The following STIM1 variants were observed in gnomAD, a reference collection of about 807,000 sequenced individuals.
STIM1 encodes stromal interaction molecule 1.
In STIM1, 25 loss-of-function variants were observed where a neutral mutation model predicts 74.7. The ratio of observed to expected loss-of-function variants is 0.33; its 90% CI spans 0.24 to 0.47. The LOEUF (loss-of-function observed/expected upper bound fraction) is 0.47, where lower values mean the gene tolerates loss of function less well. STIM1 is among the 20% of genes least tolerant of loss of function. The pLI is 1.00. For missense variants in STIM1, 728 were observed against 920.8 expected, an observed-to-expected ratio of 0.79 and a Z score of 2.71; for synonymous variants, 328 against 348.8, an observed-to-expected ratio of 0.94 and a Z score of 0.66.
At chr11:3,894,547 C>G (rs1296930266) in intron 1 of STIM1, among the ~76,000 whole-genome samples, 1 of 152,106 alleles carries the variant, frequency 6.6e-6, no homozygotes, top group Non-Finnish European at 1.5e-5. Flanking sequence ...TTTCCTTACC[C>G]CTTATTCCAT....
intron 3 of STIM1, among the ~76,000 whole-genome samples, chr11:4,050,688 T>C (rs780220892): frequency 1.3e-5 from 2 of 152,224 alleles, no homozygotes; most frequent in Non-Finnish European, 2.9e-5. Flanking sequence ...GGGTGCTGAC[T>C]GTCCCTTTTC....
intron 2 of STIM1, among the ~76,000 whole-genome samples, chr11:3,969,764 G>A (rs1195285066): frequency 6.6e-6 from 1 of 152,180 alleles, no homozygotes; most frequent in Admixed American, 6.5e-5. Flanking sequence ...AAGTTGGAAA[G>A]GAAAGTGGGG....
At chr11:3,983,175 CGGCCTGCCTT>C (rs2093523861) in intron 2 of STIM1, among the ~76,000 whole-genome samples, 1 of 152,306 alleles carries the variant, frequency 6.6e-6, no homozygotes, top group Non-Finnish European at 1.5e-5. Context: ...TTCCAGTAAT[CGGCCTGCCTT>C]GGCCTCCCAA....
intron 1 of STIM1, among the ~76,000 whole-genome samples, chr11:3,885,893 C>G (rs986933926): frequency 6.6e-6 from 1 of 152,198 alleles, no homozygotes; most frequent in Admixed American, 6.5e-5. Context: ...CCGCCTCAGC[C>G]TCTGTAAGTG....
intron 1 of STIM1, among the ~76,000 whole-genome samples, chr11:3,910,605 A>C (rs1287295615): frequency 6.6e-6 from 1 of 152,314 alleles, no homozygotes; most frequent in Non-Finnish European, 1.5e-5. Context: ...TGGATGCACA[A>C]CACTATAAAT....
intron 1 of STIM1, among the ~76,000 whole-genome samples, chr11:3,932,239 T>C (rs1319404578): frequency 6.6e-6 from 1 of 152,204 alleles, no homozygotes; most frequent in Non-Finnish European, 1.5e-5. Flanking sequence ...GGTCTCTTCT[T>C]TGGCCTCTTA....
At chr11:3,970,969 T>A (rs113328237) in intron 2 of STIM1, among the ~76,000 whole-genome samples, 2,351 of 152,318 alleles carry the variant, frequency 0.015, 33 homozygotes, top group Non-Finnish European at 0.023. Flanking sequence ...GAATGTGAAC[T>A]GTTTCTGCCC....
intron 1 of STIM1, among the ~76,000 whole-genome samples, chr11:3,905,942 G>C (rs570493274): frequency 6.6e-6 from 1 of 152,330 alleles, no homozygotes; most frequent in South Asian, 2.1e-4. Context: ...TAATATCTGG[G>C]ATGAGGGAGG....
At chr11:4,039,585 C>CAAAAA (rs549132163) in intron 3 of STIM1, among the ~76,000 whole-genome samples, 1 of 54,466 alleles carries the variant, frequency 1.8e-5, no homozygotes, top group Non-Finnish European at 3.3e-5. Context: ...GACTCCATCT[C>CAAAAA]AAAAAAAAAA....
chr11:3,904,196 C>CAAAAAAAAAAAAAAAAAAAAAAAAAAA (rs57908154), intron 1 of STIM1, among the ~76,000 whole-genome samples: 2 of 73,860 alleles, frequency 2.7e-5, no homozygotes, highest in Non-Finnish European at 4.9e-5. Flanking sequence ...GACTCTGTCT[C>CAAAAAAAAAAAAAAAAAAAAAAAAAAA]AAAAAAAAAA....
At position 4,062,638 on chromosome 11, in the gene STIM1, C is replaced by A. The variant is rs955906312; in HGVS notation, c.613+3242C>A. On this transcript the variant is annotated intron_variant, in intron 5 of 12. Coordinates refer to ENST00000526596, the MANE Select transcript of STIM1 (RefSeq NM_001382567.1). ...CCCTCTCTCAAAACAAACAAACAAA[C>A]AAAAAATGGACAAAGGATTTGAACA... is the stretch of plus-strand genomic sequence containing the variant. Among the ~76,000 whole-genome samples the A allele has an allele frequency of 1.2e-4, 18 of 152,066 alleles. No individual in the cohort carries two copies. In the South Asian group the frequency reaches 3.7e-3, roughly 32 times the overall value.
intron 3 of STIM1, among the ~76,000 whole-genome samples, chr11:4,034,322 C>T (rs966347129): frequency 6.6e-6 from 1 of 151,960 alleles, no homozygotes; most frequent in Non-Finnish European, 1.5e-5. Context: ...TCCTAGTTTG[C>T]TGAGAGCCTT....
chr11:4,012,758 T>C (rs2093851114), intron 2 of STIM1, among the ~76,000 whole-genome samples: 1 of 152,214 alleles, frequency 6.6e-6, no homozygotes, highest in Non-Finnish European at 1.5e-5. Flanking sequence ...CTTCCAACAC[T>C]ATGTTGAATA....
intron 2 of STIM1, among the ~76,000 whole-genome samples, chr11:3,981,114 C>T (rs1451944233): frequency 1.3e-5 from 2 of 152,138 alleles, no homozygotes; most frequent in Non-Finnish European, 2.9e-5. Context: ...TCTTCTGCCT[C>T]AGGCTCTCTT....
intron 1 of STIM1, among the ~76,000 whole-genome samples, chr11:3,904,145 C>T (rs556818457): frequency 6.8e-4 from 96 of 140,892 alleles, no homozygotes; most frequent in South Asian, 3.4e-3. Context: ...TGCAGTGAGC[C>T]GAGATCGCTC....
At chr11:4,005,708 A>G (rs2093772665) in intron 2 of STIM1, among the ~76,000 whole-genome samples, 2 of 152,142 alleles carry the variant, frequency 1.3e-5, no homozygotes, top group Non-Finnish European at 2.9e-5. Context: ...GTGCACATGT[A>G]CCCTAAAACT....
At chr11:3,996,643 C>G (rs901469547) in intron 2 of STIM1, among the ~76,000 whole-genome samples, 1 of 152,134 alleles carries the variant, frequency 6.6e-6, no homozygotes, top group Non-Finnish European at 1.5e-5. Context: ...GAGAACAGGT[C>G]TTGGTTTAAA....
chr11:4,022,793 C>T (rs1227442895), intron 2 of STIM1, among the ~76,000 whole-genome samples: 1 of 152,230 alleles, frequency 6.6e-6, no homozygotes, highest in African/African-American at 2.4e-5. Flanking sequence ...ATATCTCCAG[C>T]AGGGTGGCTT....
At chr11:3,918,894 T>TA (rs536509790) in intron 1 of STIM1, among the ~76,000 whole-genome samples, 70 of 152,212 alleles carry the variant, frequency 4.6e-4, no homozygotes, top group South Asian at 4.4e-3. Context: ...CCATTTTTGT[T>TA]AAAAAAAGTG....
Sources: gnomAD v4.1 joint callset for allele counts (sites outside exome capture counted in the v4.1 genomes callset) on GRCh38, gnomAD v4.1.1 for gene constraint, MANE v1.5 for transcripts, NCBI Gene and HGNC (gene_info 2026-07-23, HGNC 2026-07-21) for gene names.